The following SGSM3 variants were observed in gnomAD, a reference collection of about 807,000 sequenced individuals.
SGSM3 encodes RUN and SH3 containing 3.
SGSM3 carries 96 observed loss-of-function variants against 100.5 expected under a neutral mutation model. The ratio of observed to expected loss-of-function variants is 0.96; its 90% confidence interval spans 0.81 to 1.13. The LOEUF is 1.13. SGSM3 is among the 50% of genes most tolerant of loss of function. The pLI, the probability that SGSM3 is intolerant of heterozygous loss-of-function variation, is 0.00. For missense variants in SGSM3, 1,001 were observed against 1,015.8 expected, an observed-to-expected ratio of 0.99 and a Z score of 0.20; for synonymous variants, 483 against 422.8, an observed-to-expected ratio of 1.14 and a Z score of -1.75.
chr22:40,372,404 C>T (rs934429802), intron 1 of SGSM3, among the ~76,000 whole-genome samples: 5 of 152,066 alleles, frequency 3.3e-5, no homozygotes, highest in African/African-American at 1.2e-4. Context: ...GGATTACAGG[C>T]GTGAGCCACC....
intron 1 of SGSM3, 125 bp from the exon 2 acceptor site, chr22:40,400,571 A>T: frequency 2.5e-6 from 1 of 398,128 alleles, no homozygotes; most frequent in Non-Finnish European, 4.6e-6. Context: ...TGAACCCAGG[A>T]GGCAGAGGTT....
rs1388131752 is a variant in SGSM3 at position 40,407,394 on chromosome 22, C to T, written c.1369-19C>T. 1.2e-6 allele frequency: 2 copies of T among 1,611,450 alleles called. No individual in the cohort carries two copies. Among genetic ancestry groups the T allele is most frequent in the Non-Finnish European group, 1.7e-6 (2 of 1,178,456 alleles). On this transcript the variant is annotated intron_variant, in intron 12 of 21. Coordinates refer to ENST00000248929, the MANE Select transcript of SGSM3 (RefSeq NM_015705.6). This position sits in a 1 kb window ranked among gnomAD's most constrained non-coding sequence, Gnocchi z 4.7. ...TAACTCCTCCAACCCCCTTGGTGGGCCTGTGTTCACTGTGGCAGGAGCTGA... is the reference window on the plus strand; with the variant it reads ...TAACTCCTCCAACCCCCTTGGTGGGTCTGTGTTCACTGTGGCAGGAGCTGA...
chr22:40,393,831 T>TG (rs1175125428), intron 1 of SGSM3, among the ~76,000 whole-genome samples: 1 of 152,214 alleles, frequency 6.6e-6, no homozygotes, highest in Non-Finnish European at 1.5e-5. Flanking sequence ...ATCCCATTGA[T>TG]GTGGGAGGAG....
Position 40,409,959 on chromosome 22 carries a change from T to A in SGSM3, c.*200T>A. Reference sequence around the variant, plus strand: ...CCTGCCCCACCAGGGTCCTTAGGGATGCTCTAGGCCAAACCACAGTTTGTA... The same window carrying A: ...CCTGCCCCACCAGGGTCCTTAGGGAAGCTCTAGGCCAAACCACAGTTTGTA... On this transcript the variant is annotated 3_prime_UTR_variant, in exon 22 of 22. Coordinates refer to ENST00000248929, the MANE Select transcript of SGSM3 (RefSeq NM_015705.6). 1 of 1,393,460 alleles carries A rather than the reference T, an allele frequency of 7.2e-7. No individual in the cohort carries two copies. 86.3% of individuals were successfully genotyped at this position (1,393,460 alleles called of 1,614,324 possible). A position where few individuals can be genotyped will look rare whatever the true frequency, so the allele number is the denominator to read the frequency against.
chr22:40,375,800 G>C (rs1413635191), intron 1 of SGSM3, among the ~76,000 whole-genome samples: 1 of 151,960 alleles, frequency 6.6e-6, no homozygotes, highest in Non-Finnish European at 1.5e-5. Flanking sequence ...CACTTTGGGA[G>C]GCTGAGGTGG....
At chr22:40,404,149 C>A in intron 4 of SGSM3, 98 bp from the exon 5 acceptor site, 1 of 1,013,712 alleles carries the variant, frequency 9.9e-7, no homozygotes, top group South Asian at 1.9e-5. Flanking sequence ...TGGCCTAGAG[C>A]CATGAAGCTC....
In SGSM3 at chr22:40,401,613, G is replaced by A. The variant is rs2050768964; in HGVS notation, c.28G>A (p.Gly10Ser). ...TTTAGGAAGCCATACACCTGCCTGT[G>A]GCCCTTTCTCAGCCCTGACTCCGAG... MSGSHTPAC[G>S]PFSALTPSIW... Residue 10 changes from glycine to serine, a missense_variant, in exon 3 of 22, where the codon GGC becomes AGC. Transcript: ENST00000248929. 2 of 1,613,062 alleles carry A rather than the reference G, an allele frequency of 1.2e-6. No individual in the cohort carries two copies. Among genetic ancestry groups the A allele is most frequent in the African/African-American group, 1.3e-5 (1 of 74,896 alleles).
chr22:40,372,563 A>C (rs538837408), intron 1 of SGSM3: 3 of 152,238 alleles, frequency 2.0e-5, no homozygotes, highest in African/African-American at 7.2e-5. Context: ...AATTGCTTCA[A>C]TATAAAAACG....
At chr22:40,401,715 C>T (rs367741600) in intron 3 of SGSM3, 40 bp downstream of exon 3, 5 of 1,566,380 alleles carry the variant, frequency 3.2e-6, no homozygotes, top group Admixed American at 1.7e-5. Flanking sequence ...TGTGCTCCCA[C>T]GCTGTGGTAT....
rs1363392316 is a variant in SGSM3 at position 40,391,779 on chromosome 22, C to T, written c.-111-8917C>T. On this transcript the variant is annotated intron_variant, in intron 1 of 21. Transcript: ENST00000248929. ...AGTTTGTCATTTTGTTTGCATCTTA[C>T]TGTATTCTCAGTAGAAAAGAATGGT... Among the ~76,000 whole-genome samples, 3 of 152,168 alleles carry T rather than the reference C, an allele frequency of 2.0e-5. No homozygotes were observed. The East Asian group carries it at 5.8e-4, about 29-fold the overall frequency.
At position 40,409,025 on chromosome 22, in the gene SGSM3, G is replaced by A; in HGVS notation, c.1988+7G>A. On this transcript the variant is annotated splice_region_variant and intron_variant, in intron 19 of 21. Transcript: ENST00000248929. ...TGATCTGCGTGGGGCTCAAGTGAGT[G>A]TGGAAAAGGGGTTGGAGGAGAGCCC... 6.4e-7 allele frequency: 1 copy of A among 1,559,560 alleles called. No individual in the cohort carries two copies. Among genetic ancestry groups the A allele is most frequent in the Non-Finnish European group, 8.7e-7 (1 of 1,151,776 alleles).
intron 1 of SGSM3, among the ~76,000 whole-genome samples, chr22:40,387,641 G>T (rs2048693863): frequency 1.3e-5 from 2 of 152,180 alleles, no homozygotes; most frequent in African/African-American, 4.8e-5. Context: ...TAGCTAACTA[G>T]TATTTATTTC....
intron 1 of SGSM3, among the ~76,000 whole-genome samples, chr22:40,375,453 G>A (rs532285448): frequency 9.5e-4 from 144 of 151,994 alleles, no homozygotes; most frequent in African/African-American, 3.2e-3. Context: ...GGTGGCAGGC[G>A]CCTGTAATCC....
chr22:40,406,516 G>A lies in SGSM3; in HGVS notation c.1039G>A (p.Ala347Thr), dbSNP rs200407927. Residue 347 changes from alanine (A) to threonine (T), a missense_variant, in exon 10 of 22, where the codon GCG becomes ACG. By Grantham distance (58) the Ala-to-Thr change is moderately conservative. Coordinates refer to ENST00000248929, the MANE Select transcript of SGSM3 (RefSeq NM_015705.6). The stretch of plus-strand genomic sequence containing the variant: ...GGATATCCCGTCGCAGATGGAGGAC[G>A]CGGAGCTGCTTCTGGGGGTGGCCAT... Reference protein sequence around the residue: ...LSDIPSQMEDAELLLGVAMRL... With the variant: ...LSDIPSQMEDTELLLGVAMRL... The A allele has an allele frequency of 1.5e-5, 24 of 1,612,712 alleles. No individual in the cohort carries two copies. The highest frequency in any genetic ancestry group is 2.7e-5 in the African/African-American group (2 of 74,920).
intron 1 of SGSM3, among the ~76,000 whole-genome samples, chr22:40,399,202 T>A (rs2050413077): frequency 7.0e-6 from 1 of 143,222 alleles, no homozygotes; most frequent in Non-Finnish European, 1.5e-5. Flanking sequence ...GCCAAGCTGG[T>A]CTCAAACTCC....
At position 40,409,358 on chromosome 22, in the gene SGSM3, C is replaced by A; in HGVS notation, c.2097C>A (p.Ile699=). 1 of 1,605,528 alleles carries A rather than the reference C, an allele frequency of 6.2e-7. No homozygotes were observed. The change falls in exon 20 of 22, where the codon ATC becomes ATA. Residue 699 remains isoleucine (I), a synonymous_variant. Coordinates refer to ENST00000248929, the MANE Select transcript of SGSM3 (RefSeq NM_015705.6). ...TGCGCAGCCCGGGCTGGGTCCAGAT[C>A]AAGTGTGAGCTCCGGTGAGGACCTT... ...SFLRSPGWVQ[I]KCELRVLCCF...
At chr22:40,373,805 G>A (rs533342254) in intron 1 of SGSM3, among the ~76,000 whole-genome samples, 3 of 152,052 alleles carry the variant, frequency 2.0e-5, no homozygotes, top group East Asian at 1.9e-4. Flanking sequence ...TAGTAGAGAC[G>A]AGGTTTCACC....
chr22:40,407,100 TGGGCATGC>T lies in SGSM3; in HGVS notation c.1240+33_1240+40del. The T allele has an allele frequency of 6.2e-7, 1 of 1,605,394 alleles. No individual in the cohort carries two copies. Among genetic ancestry groups the T allele is most frequent in the Non-Finnish European group, 8.5e-7 (1 of 1,176,176 alleles). On this transcript the variant is annotated intron_variant, in intron 11 of 21. Transcript: ENST00000248929. This position sits in a 1 kb window ranked among gnomAD's most constrained non-coding sequence, Gnocchi z 4.7. ...AGAGCTCTGCGAGTGCCAGGCAGTG[TGGGCATGC>T]GGGAGTCTGTCCTCACGCTCATGTG...
intron 10 of SGSM3, 175 bp from the exon 11 acceptor site, chr22:40,406,842 C>T (rs1269087232): frequency 3.5e-6 from 3 of 865,092 alleles, no homozygotes; most frequent in Non-Finnish European, 5.5e-6. Context: ...TTGTGCACCT[C>T]AGGTTCTGAT....
Sources: gnomAD v4.1 joint callset for allele counts (sites outside exome capture counted in the v4.1 genomes callset) on GRCh38, gnomAD v4.1.1 for gene constraint, Gnocchi (gnomAD v3.1) non-coding constraint, MANE v1.5 for transcripts, NCBI Gene and HGNC (gene_info 2026-07-23, HGNC 2026-07-21) for gene names.